Variants in HIP1 observed in about 807,000 individuals in gnomAD.
HIP1 encodes huntingtin-interacting protein 1.
HIP1 carries 65 observed loss-of-function variants against 147.6 expected under a neutral mutation model. That is an observed-to-expected ratio of 0.44 (90% CI 0.36 to 0.54). HIP1 has a LOEUF of 0.54. HIP1 is among the 20% of genes least tolerant of loss of function. The pLI is 0.00. For missense variants in HIP1, 1,061 were observed against 1,299.6 expected (o/e 0.82, Z 2.82); for synonymous variants, 479 against 504.0 (o/e 0.95, Z 0.67).
chr7:75,614,623 G>A (rs1356903379), intron 1 of HIP1, among the ~76,000 whole-genome samples: 2 of 152,112 alleles, frequency 1.3e-5, no homozygotes, highest in East Asian at 1.9e-4. Context: ...TAGTGAAAAT[G>A]TTCTGAAATT....
intron 4 of HIP1, among the ~76,000 whole-genome samples, chr7:75,590,905 G>T (rs1796479389): frequency 6.6e-6 from 1 of 152,108 alleles, no homozygotes; most frequent in South Asian, 2.1e-4. Flanking sequence ...CCTATGATAG[G>T]TAGATAGGAC....
At chr7:75,700,868 G>T (rs1040027837) in intron 1 of HIP1, among the ~76,000 whole-genome samples, 6 of 152,082 alleles carry the variant, frequency 3.9e-5, no homozygotes, top group Admixed American at 3.9e-4. Flanking sequence ...ACCACACCCG[G>T]CTAATTTTTT....
At chr7:75,704,348 G>A (rs782438441) in intron 1 of HIP1, among the ~76,000 whole-genome samples, 3 of 151,890 alleles carry the variant, frequency 2.0e-5, no homozygotes, top group Non-Finnish European at 4.4e-5. Flanking sequence ...CGGTTCAAGC[G>A]ATTCTCCTGC....
At chr7:75,551,416 T>C (rs1384406324) in intron 22 of HIP1, among the ~76,000 whole-genome samples, 1 of 152,006 alleles carries the variant, frequency 6.6e-6, no homozygotes, top group Non-Finnish European at 1.5e-5. Context: ...AGTTTCACTA[T>C]ATTGGCCAGG....
At chr7:75,560,115 A>T (rs1217288666) in intron 13 of HIP1, among the ~76,000 whole-genome samples, 200 bp from the exon 14 acceptor site, 4 of 152,072 alleles carry the variant, frequency 2.6e-5, no homozygotes, top group Non-Finnish European at 5.9e-5. Context: ...TGGCCGGGGA[A>T]TTGTGGTCCT....
intron 1 of HIP1, among the ~76,000 whole-genome samples, chr7:75,710,129 C>T (rs1418105959): frequency 1.3e-5 from 2 of 152,116 alleles, no homozygotes; most frequent in African/African-American, 4.8e-5. Context: ...AACTCCTAGG[C>T]TCACGTGATC....
intron 1 of HIP1, among the ~76,000 whole-genome samples, chr7:75,662,850 T>A (rs2117217352): frequency 6.6e-6 from 1 of 152,234 alleles, no homozygotes; most frequent in Non-Finnish European, 1.5e-5. Context: ...AGAGGAGGAA[T>A]AATTATTGAA....
intron 1 of HIP1, among the ~76,000 whole-genome samples, chr7:75,695,543 C>G (rs1198360710): frequency 6.7e-6 from 1 of 149,638 alleles, no homozygotes; most frequent in East Asian, 2.0e-4. Context: ...TGCCGATATT[C>G]AGAAGGGGTT....
intron 1 of HIP1, among the ~76,000 whole-genome samples, chr7:75,676,806 C>T (rs1199567073): frequency 1.4e-5 from 2 of 147,598 alleles, no homozygotes; most frequent in African/African-American, 5.0e-5. Context: ...CCCCCATGGA[C>T]ATCTCATTCC....
intron 1 of HIP1, among the ~76,000 whole-genome samples, chr7:75,624,371 C>A (rs1554507666): frequency 6.6e-6 from 1 of 152,164 alleles, no homozygotes; most frequent in Non-Finnish European, 1.5e-5. Context: ...AGCAAAGCTG[C>A]CAGAAACTCT....
intron 1 of HIP1, among the ~76,000 whole-genome samples, chr7:75,622,966 G>A (rs1195193987): frequency 5.3e-5 from 8 of 151,960 alleles, no homozygotes; most frequent in African/African-American, 1.9e-4. Flanking sequence ...GGGAAGCTAA[G>A]GCGGGCAGAT....
chr7:75,649,374 G>A (rs1388838768), intron 1 of HIP1, among the ~76,000 whole-genome samples: 4 of 152,072 alleles, frequency 2.6e-5, no homozygotes, highest in Admixed American at 6.6e-5. Context: ...AATGCTCCTC[G>A]CCCTTTGAGT....
intron 19 of HIP1, among the ~76,000 whole-genome samples, chr7:75,554,830 C>G (rs1166329908): frequency 6.6e-6 from 1 of 151,988 alleles, no homozygotes; most frequent in Non-Finnish European, 1.5e-5. Context: ...AATTCCAGCA[C>G]TTTGAGAGGC....
chr7:75,599,341 C>T, intron 1 of HIP1, 94 bp from the exon 2 acceptor site: 1 of 980,934 alleles, frequency 1.0e-6, no homozygotes, highest in Non-Finnish European at 1.6e-6. Context: ...CCTTTCTCCT[C>T]CTCCAGCCAA....
rs1554496009 is a variant in HIP1 at position 75,568,649 on chromosome 7, G to T, written c.746-393C>A. Among the ~76,000 whole-genome samples, 1 of 152,178 alleles carries T rather than the reference G, an allele frequency of 6.6e-6. No homozygotes were observed. Among genetic ancestry groups the T allele is most frequent in the African/African-American group, 2.4e-5 (1 of 41,452 alleles). On this transcript the variant is annotated intron_variant, in intron 8 of 30. Coordinates refer to ENST00000336926, the MANE Select transcript of HIP1 (RefSeq NM_005338.7). The surrounding 1 kb of genome is among the most constrained non-coding windows in gnomAD (Gnocchi z 4.1). ...CATTTGTTTTAGGTTGAGGCTCAGG[G>T]CTGATATTAGTCTGGAAGAGATCCG...
intron 1 of HIP1, among the ~76,000 whole-genome samples, chr7:75,669,137 G>A (rs1023196268): frequency 3.9e-5 from 6 of 152,028 alleles, no homozygotes; most frequent in Non-Finnish European, 7.4e-5. Flanking sequence ...AGGCCGAGGC[G>A]GGTGGATCAC....
intron 1 of HIP1, among the ~76,000 whole-genome samples, chr7:75,682,529 A>C (rs1020314050): frequency 6.6e-6 from 1 of 151,484 alleles, no homozygotes; most frequent in East Asian, 1.9e-4. Flanking sequence ...CAAAGTGCTG[A>C]GATGACGGGA....
intron 1 of HIP1, among the ~76,000 whole-genome samples, chr7:75,603,796 C>A (rs1554503402): frequency 6.6e-6 from 1 of 151,792 alleles, no homozygotes; most frequent in Non-Finnish European, 1.5e-5. Flanking sequence ...TCGCTTAAGC[C>A]CAGCAGGCAG....
chr7:75,610,171 G>A (rs150660972), intron 1 of HIP1, among the ~76,000 whole-genome samples: 4,116 of 150,232 alleles, frequency 0.027, 83 homozygotes, highest in South Asian at 0.06. Flanking sequence ...CCAAAGTGCT[G>A]GGATTACAGG....
Sources: allele counts gnomAD v4.1 joint callset (sites outside exome capture counted in the v4.1 genomes callset), GRCh38; gene constraint gnomAD v4.1.1; non-coding constraint Gnocchi (gnomAD v3.1); transcripts MANE v1.5; gene names NCBI Gene and HGNC (gene_info 2026-07-23, HGNC 2026-07-21).